The following SHISA5 variants were observed in gnomAD, a reference collection of about 807,000 sequenced individuals.
SHISA5 encodes the protein shisa family member 5, also known as protein shisa-5.
SHISA5 carries 21 observed loss-of-function variants against 27.5 expected under a neutral mutation model. The observed-to-expected ratio is 0.76, with a 90% confidence interval of 0.54 to 1.10. The LOEUF (loss-of-function observed/expected upper bound fraction) is 1.10. SHISA5 is among the 50% of genes least tolerant of loss of function. The pLI, the probability that SHISA5 is intolerant of heterozygous loss-of-function variation, is 0.00. For synonymous variants in SHISA5, 137 were observed against 142.2 expected (o/e 0.96, Z 0.26); for missense variants, 314 against 336.3 (o/e 0.93, Z 0.52).
chr3:48,474,338 T>C (rs2040746035), intron 3 of SHISA5, among the ~76,000 whole-genome samples: 1 of 151,598 alleles, frequency 6.6e-6, no homozygotes, highest in Admixed American at 6.6e-5. Context: ...TTTTTTAATT[T>C]AATTTTTTTT....
chr3:48,487,692 C>G (rs998459515), intron 2 of SHISA5, among the ~76,000 whole-genome samples: 1 of 152,124 alleles, frequency 6.6e-6, no homozygotes, highest in Admixed American at 6.6e-5. Flanking sequence ...GTAAGGAGTT[C>G]AAGGCCAGCC....
chr3:48,468,946 G>C lies in SHISA5; in HGVS notation c.*161C>G. ...TGTTCCCCACCTTGTCAGCATCAGA[G>C]GAAGCCACATATACAGGCAGGACAC... On this transcript the variant is annotated 3_prime_UTR_variant, in exon 6 of 6. Transcript: ENST00000296444. 1 of 1,565,438 alleles carries C rather than the reference G, an allele frequency of 6.4e-7. No homozygotes were observed. Among genetic ancestry groups the C allele is most frequent in the Non-Finnish European group, 8.6e-7 (1 of 1,163,416 alleles).
intron 2 of SHISA5, among the ~76,000 whole-genome samples, chr3:48,485,087 G>C (rs1418035331): frequency 6.6e-6 from 1 of 152,052 alleles, no homozygotes; most frequent in East Asian, 1.9e-4. Context: ...GCTGAGGCAG[G>C]AGGATCACTT....
Position 48,468,070 on chromosome 3 carries a change from C to G in SHISA5, c.*1037G>C. 4.5e-6 allele frequency: 4 copies of G among 886,314 alleles called. No homozygotes were observed. The highest frequency in any genetic ancestry group is 5.5e-6 in the Non-Finnish European group (4 of 727,972). 54.9% of individuals were successfully genotyped at this position (886,314 alleles called of 1,614,324 possible). A position where few individuals can be genotyped will look rare whatever the true frequency, so the allele number is the denominator to read the frequency against. Reference sequence around the variant, plus strand: ...CAGATGGCCCATTGGCCCAGGTGTCCCTGCTGCCAGAACACCGTGGACTGG... The same window carrying G: ...CAGATGGCCCATTGGCCCAGGTGTCGCTGCTGCCAGAACACCGTGGACTGG... On this transcript the variant is annotated 3_prime_UTR_variant, in exon 6 of 6. Transcript: ENST00000296444.
chr3:48,472,578 A>ATGCT (rs34349867), intron 3 of SHISA5, among the ~76,000 whole-genome samples: 23,225 of 152,138 alleles, frequency 0.15, 2,115 homozygotes, highest in South Asian at 0.25. Context: ...CAAAAGGCAA[A>ATGCT]TGCTTGGTAA....
chr3:48,478,882 C>A (rs2040909824), intron 3 of SHISA5, among the ~76,000 whole-genome samples: 1 of 152,046 alleles, frequency 6.6e-6, no homozygotes, highest in Non-Finnish European at 1.5e-5. Context: ...CCCATCGGGA[C>A]CCATCAGTCA....
chr3:48,492,838 T>C (rs968694674), intron 2 of SHISA5, among the ~76,000 whole-genome samples: 5 of 147,196 alleles, frequency 3.4e-5, no homozygotes, highest in African/African-American at 5.4e-5. Context: ...GCATCCAAGA[T>C]GGAGTTGTTT....
In SHISA5 at chr3:48,468,269, A is replaced by AAAAC; in HGVS notation, c.*834_*837dup. 3 of 1,000,874 alleles carry AAAAC rather than the reference A, an allele frequency of 3.0e-6. No homozygotes were observed. Among genetic ancestry groups the AAAAC allele is most frequent in the Non-Finnish European group, 3.6e-6 (3 of 838,632 alleles). 62.0% of individuals were successfully genotyped at this position (1,000,874 alleles called of 1,614,324 possible). A position where few individuals can be genotyped will look rare whatever the true frequency, so the allele number is the denominator to read the frequency against. Reference sequence around the variant, plus strand: ...CAAAATGTTTGGCTAAAATAAAATGAAAACACTGCAGGGAAGAGAACTGAG... The same window carrying AAAAC: ...CAAAATGTTTGGCTAAAATAAAATGAAAACAAACACTGCAGGGAAGAGAACTGAG... On this transcript the variant is annotated 3_prime_UTR_variant, in exon 6 of 6. Transcript: ENST00000296444.
At position 48,468,310 on chromosome 3, in the gene SHISA5, G is replaced by A. The variant is rs1281240377; in HGVS notation, c.*797C>T. On this transcript the variant is annotated 3_prime_UTR_variant, in exon 6 of 6. Coordinates refer to ENST00000296444, the MANE Select transcript of SHISA5 (RefSeq NM_016479.6). ...GAGAACTGAGTGTGCTGGTGGACAG[G>A]AGCCCTGCTCACCTGTGGGAAGGGC... 2 of 1,026,930 alleles carry A rather than the reference G, an allele frequency of 1.9e-6. No homozygotes were observed. Among genetic ancestry groups the A allele is most frequent in the African/African-American group, 3.4e-5 (2 of 58,290 alleles). 63.6% of individuals were successfully genotyped at this position (1,026,930 alleles called of 1,614,324 possible).
chr3:48,503,978 C>A (rs1457093122), intron 1 of SHISA5, 41 bp downstream of exon 1: 1 of 1,450,740 alleles, frequency 6.9e-7, no homozygotes, highest in African/African-American at 1.5e-5. Flanking sequence ...AGTGTCTGCC[C>A]GGTCCCAGGG....
In SHISA5 at chr3:48,468,619, ACCC is replaced by A. The variant is rs2040448295; in HGVS notation, c.*485_*487del. The A allele has an allele frequency of 8.4e-7, 1 of 1,195,808 alleles. No individual in the cohort carries two copies. 74.1% of individuals were successfully genotyped at this position (1,195,808 alleles called of 1,614,324 possible). On this transcript the variant is annotated 3_prime_UTR_variant, in exon 6 of 6. Coordinates refer to ENST00000296444, the MANE Select transcript of SHISA5 (RefSeq NM_016479.6). ...TCATGTCCCTGGCTCTGCAACGGGT[ACCC>A]CCAACTCCGGGGACGAGCCATGGCC... is the stretch of plus-strand genomic sequence containing the variant.
intron 3 of SHISA5, chr3:48,477,157 C>T: frequency 2.4e-6 from 1 of 423,582 alleles, no homozygotes; most frequent in Non-Finnish European, 4.6e-6. Context: ...TCTCCAACTC[C>T]TTTTTTTTGT....
chr3:48,491,306 G>A (rs2041417143), intron 2 of SHISA5, among the ~76,000 whole-genome samples: 2 of 151,996 alleles, frequency 1.3e-5, no homozygotes, highest in African/African-American at 4.8e-5. Flanking sequence ...TTTTAGTAGA[G>A]ACGGGGTTTC....
At position 48,501,038 on chromosome 3, in the gene SHISA5, G is replaced by A. The variant is rs958150467; in HGVS notation, c.233+99C>T. 1.3e-5 allele frequency: 17 copies of A among 1,335,646 alleles called. No homozygotes were observed. In the Admixed American group the frequency reaches 4.0e-4, roughly 31 times the overall value. 82.7% of individuals were successfully genotyped at this position (1,335,646 alleles called of 1,614,324 possible). On this transcript the variant is annotated intron_variant, in intron 2 of 5. Transcript: ENST00000296444. ...AATGCTCTGGCCACCATCTTGAGAG[G>A]GCTGAGAGGCCAGAGGGGCAGAGCT...
intron 2 of SHISA5, among the ~76,000 whole-genome samples, chr3:48,493,764 C>G (rs1310553964): frequency 1.4e-5 from 2 of 146,356 alleles, no homozygotes; most frequent in East Asian, 3.9e-4. Context: ...AACTCCTGAC[C>G]TCATGTGATC....
intron 2 of SHISA5, among the ~76,000 whole-genome samples, chr3:48,480,393 G>A (rs1397898809): frequency 6.6e-6 from 1 of 151,836 alleles, no homozygotes; most frequent in Non-Finnish European, 1.5e-5. Flanking sequence ...TGATCACGAA[G>A]AAGTAATAAA....
intron 2 of SHISA5, among the ~76,000 whole-genome samples, chr3:48,492,150 CAAAAAAAAAAAAAAAAAAAAAA>C (rs1169630533): frequency 6.9e-4 from 13 of 18,918 alleles, no homozygotes; most frequent in East Asian, 5.9e-3. Context: ...GACTCCATCT[CAAAAAAAAAAAAAAAAAAAAAA>C]AAAAAAAAAA....
chr3:48,483,826 C>A lies in SHISA5; in HGVS notation c.234-4569G>T, dbSNP rs1352788752. On this transcript the variant is annotated intron_variant, in intron 2 of 5. Transcript: ENST00000296444. ...TGGCCGGGCGGGGGGCTGACCCCCC[C>A]ACCTCCCTCCCGGACAGGGCGGCTG... Among the ~76,000 whole-genome samples the A allele has an allele frequency of 1.1e-4, 17 of 151,736 alleles. No individual in the cohort carries two copies. In the South Asian group the frequency reaches 1.7e-3, roughly 15 times the overall value.
Position 48,469,591 on chromosome 3 carries a change from G to C in SHISA5, c.431-18C>G, listed in dbSNP as rs745705581. ...GACAACCGCTGCAAAGAGAATTCCA[G>C]TCAGGACCCTCCTCCATCTCCCCAG... On this transcript the variant is annotated intron_variant, in intron 4 of 5. Coordinates refer to ENST00000296444, the MANE Select transcript of SHISA5 (RefSeq NM_016479.6). The surrounding 1 kb of genome is among the most constrained non-coding windows in gnomAD (Gnocchi z 4.6). The C allele has an allele frequency of 1.6e-5, 25 of 1,599,116 alleles. No individual in the cohort carries two copies. Among genetic ancestry groups the C allele is most frequent in the Non-Finnish European group, 2.1e-5 (25 of 1,170,760 alleles).
Sources: gnomAD v4.1 joint callset for allele counts (sites outside exome capture counted in the v4.1 genomes callset) on GRCh38, gnomAD v4.1.1 for gene constraint, Gnocchi (gnomAD v3.1) non-coding constraint, MANE v1.5 for transcripts, NCBI Gene and HGNC (gene_info 2026-07-23, HGNC 2026-07-21) for gene names.